PUM3: variants seen among roughly 807,000 people sequenced by gnomAD.
The protein encoded by PUM3 is pumilio homolog 3.
PUM3 carries 91 observed loss-of-function variants against 84.0 expected under a neutral mutation model. The ratio of observed to expected loss-of-function variants is 1.08; its 90% confidence interval spans 0.91 to 1.29. The LOEUF is 1.29. PUM3 is among the 50% of genes most tolerant of loss of function. The probability of loss-of-function intolerance (pLI) is 0.00; values close to 1 mark genes in which losing one functional copy is unlikely to be tolerated. For synonymous variants in PUM3, 321 were observed against 266.7 expected, an observed-to-expected ratio of 1.20 and a Z score of -1.98; for missense variants, 1,067 against 767.5, an observed-to-expected ratio of 1.39 and a Z score of -4.61.
intron 1 of PUM3, among the ~76,000 whole-genome samples, chr9:2,843,803 C>T (rs1486625795): frequency 1.3e-5 from 2 of 151,982 alleles, no homozygotes; most frequent in Non-Finnish European, 2.9e-5. Context: ...TGGTCTCGAT[C>T]TCCTGACCTT....
chr9:2,838,090 A>C (rs1816176667), intron 2 of PUM3, among the ~76,000 whole-genome samples: 1 of 152,162 alleles, frequency 6.6e-6, no homozygotes, highest in Non-Finnish European at 1.5e-5. Flanking sequence ...TTCTGAACCT[A>C]AACGTATTTG....
intron 13 of PUM3, among the ~76,000 whole-genome samples, 190 bp from the exon 14 acceptor site, chr9:2,812,552 T>A (rs1052570751): frequency 9.9e-5 from 15 of 152,126 alleles, no homozygotes; most frequent in Admixed American, 3.3e-4. Flanking sequence ...AACAAAAAAA[T>A]GAATTGATAT....
chr9:2,831,149 A>C (rs2292000), intron 6 of PUM3, 102 bp downstream of exon 6: 561,844 of 1,004,576 alleles, frequency 0.56, 158,670 homozygotes, highest in African/African-American at 0.64. Context: ...GGAGAAGACA[A>C]ACCTAAACAA....
intron 3 of PUM3, among the ~76,000 whole-genome samples, chr9:2,836,662 C>G (rs1019357590): frequency 3.3e-5 from 5 of 152,142 alleles, no homozygotes; most frequent in African/African-American, 1.2e-4. Flanking sequence ...CTGGCCTAAG[C>G]TCTGTGAAGG....
chr9:2,824,934 T>C, intron 10 of PUM3, 119 bp from the exon 11 acceptor site: 1 of 485,512 alleles, frequency 2.1e-6, no homozygotes, highest in Admixed American at 4.3e-5. Flanking sequence ...GAGTGCCAGG[T>C]AGCAAACAAT....
chr9:2,809,329 G>GA (rs1251525170), intron 16 of PUM3, among the ~76,000 whole-genome samples: 1 of 152,102 alleles, frequency 6.6e-6, no homozygotes, highest in East Asian at 1.9e-4. Context: ...TTAAGAGGGA[G>GA]AAAAACCACT....
At chr9:2,819,183 C>A (rs1041071782) in intron 13 of PUM3, among the ~76,000 whole-genome samples, 1 of 152,178 alleles carries the variant, frequency 6.6e-6, no homozygotes, top group South Asian at 2.1e-4. Context: ...GCAACCTCTA[C>A]CATATACTCA....
chr9:2,811,409 G>T lies in PUM3; in HGVS notation c.1587C>A (p.Ile529=). 1.2e-6 allele frequency: 2 copies of T among 1,614,122 alleles called. No homozygotes were observed. The highest frequency in any genetic ancestry group is 1.7e-6 in the Non-Finnish European group (2 of 1,180,032). The change falls in exon 15 of 18, where the codon ATC becomes ATA. Residue 529 remains isoleucine (I), a synonymous_variant. Coordinates refer to ENST00000397885, the MANE Select transcript of PUM3 (RefSeq NM_014878.5). The part of the protein sequence containing the change: ...TGDVQPTMNA[I]ASLAATGLHP... ...GCAGTCCTGTTGCTGCCAAGCTGGC[G>T]ATGGCATTCATGGTAGGCTGAACGT...
At chr9:2,819,965 C>T (rs1181045901) in intron 13 of PUM3, 53 bp downstream of exon 13, 1 of 1,206,100 alleles carries the variant, frequency 8.3e-7, no homozygotes, top group East Asian at 2.3e-5. Flanking sequence ...GCTTACACAT[C>T]CACAACTGGT....
At chr9:2,808,036 C>A (rs1821297444) in intron 16 of PUM3, 132 bp from the exon 17 acceptor site, 2 of 610,208 alleles carry the variant, frequency 3.3e-6, no homozygotes, top group Non-Finnish European at 5.7e-6. Context: ...CACCCAATCT[C>A]CCTTTTAACA....
At chr9:2,817,705 A>T (rs147940029) in intron 13 of PUM3, among the ~76,000 whole-genome samples, 2 of 152,324 alleles carry the variant, frequency 1.3e-5, no homozygotes, top group East Asian at 3.9e-4. Context: ...CGATGATAGG[A>T]TATCAGGGAT....
At chr9:2,820,824 GAAATA>G (rs1358461966) in intron 12 of PUM3, among the ~76,000 whole-genome samples, 4 of 152,190 alleles carry the variant, frequency 2.6e-5, no homozygotes, top group African/African-American at 9.6e-5. Flanking sequence ...CTCATCTTTT[GAAATA>G]AAATTATTTC....
intron 4 of PUM3, 114 bp downstream of exon 4, chr9:2,833,917 C>A (rs1816051532): frequency 1.8e-6 from 2 of 1,113,694 alleles, no homozygotes; most frequent in African/African-American, 1.6e-5. Context: ...TGAGGACCCC[C>A]TCAATAACCC....
intron 9 of PUM3, chr9:2,828,367 T>C (rs1815880261): frequency 8.3e-6 from 2 of 240,220 alleles, no homozygotes; most frequent in Non-Finnish European, 1.6e-5. Flanking sequence ...TAACAGATTA[T>C]ATTTGTGAAA....
intron 3 of PUM3, among the ~76,000 whole-genome samples, chr9:2,834,731 G>C (rs970705966): frequency 6.6e-6 from 1 of 152,102 alleles, no homozygotes; most frequent in South Asian, 2.1e-4. Context: ...GGTAGAATTA[G>C]GACTCAAACC....
chr9:2,829,193 C>A (rs908967037), intron 8 of PUM3, among the ~76,000 whole-genome samples: 17 of 152,216 alleles, frequency 1.1e-4, no homozygotes, highest in Non-Finnish European at 2.2e-4. Context: ...TGGAGGCAAC[C>A]CGGGAATCAA....
intron 15 of PUM3, 92 bp from the exon 16 acceptor site, chr9:2,810,523 C>G (rs1821344873): frequency 1.2e-6 from 1 of 830,182 alleles, no homozygotes; most frequent in African/African-American, 1.7e-5. Flanking sequence ...CCACCACATA[C>G]AGATAAGGAC....
intron 14 of PUM3, among the ~76,000 whole-genome samples, 182 bp from the exon 15 acceptor site, chr9:2,811,765 G>GT (rs1329984222): frequency 6.7e-6 from 1 of 149,582 alleles, no homozygotes; most frequent in African/African-American, 2.5e-5. Flanking sequence ...TTTTAAAAAT[G>GT]TTTGTGTCCC....
intron 17 of PUM3, among the ~76,000 whole-genome samples, chr9:2,807,217 A>C (rs1454484684): frequency 6.6e-6 from 1 of 151,620 alleles, no homozygotes; most frequent in Non-Finnish European, 1.5e-5. Context: ...CAAAAAAAAA[A>C]AATTATGTTT....
Sources: allele counts gnomAD v4.1 joint callset (sites outside exome capture counted in the v4.1 genomes callset), GRCh38; gene constraint gnomAD v4.1.1; transcripts MANE v1.5; gene names NCBI Gene and HGNC (gene_info 2026-07-23, HGNC 2026-07-21).